The following SIN3B variants were observed in gnomAD, a reference collection of about 807,000 sequenced individuals.
The protein encoded by SIN3B is SIN3 transcription regulator family member B, also known as paired amphipathic helix protein Sin3b.
SIN3B carries 19 observed loss-of-function variants against 120.2 expected under a neutral mutation model. That is an observed-to-expected ratio of 0.16 (90% CI 0.11 to 0.23). The LOEUF is 0.23. SIN3B is among the 10% of genes least tolerant of loss of function. The pLI, the probability that SIN3B is intolerant of heterozygous loss-of-function variation, is 1.00. For missense variants in SIN3B, 1,073 were observed against 1,573.0 expected, an observed-to-expected ratio of 0.68 and a Z score of 5.38; for synonymous variants, 654 against 653.2, an observed-to-expected ratio of 1.00 and a Z score of -0.02.
In SIN3B at chr19:16,862,257, A is replaced by T; in HGVS notation, c.1059-95A>T. On this transcript the variant is annotated intron_variant, in intron 8 of 18. Coordinates refer to ENST00000248054, the MANE Select transcript of SIN3B (RefSeq NM_001297595.2). This position sits in a 1 kb window ranked among gnomAD's most constrained non-coding sequence, Gnocchi z 4.7. The stretch of plus-strand genomic sequence containing the variant: ...TGATGTTGAATTCTGACTCTGTTTA[A>T]CTTGTAATGTCCACATGAAGCCATT... The T allele has an allele frequency of 1.1e-6, 1 of 938,218 alleles. No homozygotes were observed. Among genetic ancestry groups the T allele is most frequent in the Non-Finnish European group, 1.6e-6 (1 of 606,130 alleles). The allele number at this position is 938,218 out of a possible 1,614,324, so 58.1% of individuals were successfully genotyped here.
chr19:16,869,927 C>G lies in SIN3B; in HGVS notation c.2274C>G (p.Thr758=), dbSNP rs754186178. 2 of 1,614,248 alleles carry G rather than the reference C, an allele frequency of 1.2e-6. No individual in the cohort carries two copies. Among genetic ancestry groups the G allele is most frequent in the South Asian group, 2.2e-5 (2 of 91,090 alleles). ...ACTTCTTCCTGCGCCTGCACCAGAC[C>G]CTGTGCTCCAGGCTGCTGAAGATCT... ...NWYFFLRLHQ[T]LCSRLLKIYR... The change falls in exon 13 of 19, where the codon ACC becomes ACG. Residue 758 remains threonine, a synonymous_variant. Coordinates refer to ENST00000248054, the MANE Select transcript of SIN3B (RefSeq NM_001297595.2).
chr19:16,841,953 C>T lies in SIN3B; in HGVS notation c.567C>T (p.Ile189=), dbSNP rs752714037. 123 of 1,613,514 alleles carry T rather than the reference C, an allele frequency of 7.6e-5. No individual in the cohort carries two copies. The highest frequency in any genetic ancestry group is 9.6e-5 in the Non-Finnish European group (113 of 1,179,690). ...HPEIYRSFLE[I]LHTYQKEQLN... is the part of the protein sequence containing the mutation. Reference sequence around the variant, plus strand: ...AAATCTACAGGTCATTCCTGGAGATCCTGCACACGTACCAGGTAAGAACTC... The same window carrying T: ...AAATCTACAGGTCATTCCTGGAGATTCTGCACACGTACCAGGTAAGAACTC... The change falls in exon 4 of 19, where the codon ATC becomes ATT. Residue 189 remains isoleucine, a synonymous_variant. Coordinates refer to ENST00000248054, the MANE Select transcript of SIN3B (RefSeq NM_001297595.2).
chr19:16,847,007 G>T lies in SIN3B; in HGVS notation c.620G>T (p.Gly207Val). 6.2e-7 allele frequency: 1 copy of T among 1,614,160 alleles called. No homozygotes were observed. Among genetic ancestry groups the T allele is most frequent in the South Asian group, 1.1e-5 (1 of 91,084 alleles). The change falls in exon 5 of 19, where the codon GGC (glycine) becomes GTC (valine). Residue 207 changes from glycine (G) to valine (V), a missense_variant. Around this residue, in one of 7 missense-constraint regions of SIN3B, gnomAD observed 395 missense variants for 528.0 expected, o/e 0.75. Transcript: ENST00000248054. ...QLNTRGRPFR[G>V]MSEEEVFTEV... ...AACACGAGGGGCCGGCCATTCCGAG[G>T]CATGTCTGAAGAGGAGGTGTTCACC...
In SIN3B at chr19:16,876,882, GGCTGTGACC is replaced by G; in HGVS notation, c.2859+305_2859+313del. 2.9e-6 allele frequency: 1 copy of G among 349,710 alleles called. No homozygotes were observed. Among genetic ancestry groups the G allele is most frequent in the South Asian group, 4.4e-5 (1 of 22,810 alleles). 21.7% of individuals were successfully genotyped at this position (349,710 alleles called of 1,614,324 possible). ...CCGACTCCCACTCAGGGCATCCCGT[GGCTGTGACC>G]TCTGCACCTCTTGTGTCAGGGCTGC... On this transcript the variant is annotated intron_variant, in intron 16 of 18. Coordinates refer to ENST00000248054, the MANE Select transcript of SIN3B (RefSeq NM_001297595.2). This position sits in a 1 kb window ranked among gnomAD's most constrained non-coding sequence, Gnocchi z 7.1.
At chr19:16,873,428 G>A (rs1406690445) in intron 14 of SIN3B, among the ~76,000 whole-genome samples, 1 of 151,980 alleles carries the variant, frequency 6.6e-6, no homozygotes, top group Non-Finnish European at 1.5e-5. Flanking sequence ...AGGGAAACAC[G>A]CACGGGGCAG....
chr19:16,873,751 TC>T (rs1285708028), intron 14 of SIN3B, among the ~76,000 whole-genome samples: 1 of 152,240 alleles, frequency 6.6e-6, no homozygotes, highest in Non-Finnish European at 1.5e-5. Flanking sequence ...TGCCCTGCTG[TC>T]CCAGCTGTGG....
At chr19:16,854,073 C>T in intron 7 of SIN3B, 70 bp from the exon 8 acceptor site, 1 of 1,184,056 alleles carries the variant, frequency 8.4e-7, no homozygotes, top group Non-Finnish European at 1.2e-6. Flanking sequence ...TGTGGCTGAC[C>T]TACAAGTGAG....
Position 16,851,445 on chromosome 19 carries a change from G to A in SIN3B, c.760G>A (p.Val254Met), listed in dbSNP as rs372704525. Residue 254 changes from valine (V) to methionine (M), a missense_variant, in exon 6 of 19, where the codon GTG becomes ATG. Physicochemically the swap from Val to Met is conservative, Grantham distance 21. This residue lies in a region of SIN3B where 395 missense variants were observed against 528.0 expected (regional missense o/e 0.75). Coordinates refer to ENST00000248054, the MANE Select transcript of SIN3B (RefSeq NM_001297595.2). The stretch of plus-strand genomic sequence containing the variant: ...AAACGGGCCGTGCGAGATGCACAGC[G>A]TGCAGAAGAACGAGCACGACAAGAC... ...TGNGPCEMHS[V>M]QKNEHDKTPE... 15 of 1,609,074 alleles carry A rather than the reference G, an allele frequency of 9.3e-6. No individual in the cohort carries two copies. Among genetic ancestry groups the A allele is most frequent in the African/African-American group, 4.0e-5 (3 of 74,748 alleles).
chr19:16,837,522 A>G (rs981519546), intron 3 of SIN3B, among the ~76,000 whole-genome samples: 3 of 151,738 alleles, frequency 2.0e-5, no homozygotes, highest in Non-Finnish European at 2.9e-5. Context: ...GTGGACAGCA[A>G]TGGCGACAGA....
At chr19:16,841,698 C>A in intron 3 of SIN3B, 70 bp from the exon 4 acceptor site, 1 of 1,413,802 alleles carries the variant, frequency 7.1e-7, no homozygotes, top group Admixed American at 1.7e-5. Flanking sequence ...CAGACAGTGG[C>A]TGGGCCTGGT....
chr19:16,853,270 T>C (rs957823035), intron 7 of SIN3B, 112 bp downstream of exon 7: 6 of 955,468 alleles, frequency 6.3e-6, no homozygotes, highest in African/African-American at 4.9e-5. Flanking sequence ...GTGGGTGCAG[T>C]CTGAGGATGG....
Position 16,878,564 on chromosome 19 carries a change from A to T in SIN3B, c.3230A>T (p.Asp1077Val), listed in dbSNP as rs1599621066. The change falls in exon 19 of 19, where the codon GAC (aspartate) becomes GTC (valine). Residue 1077 changes from aspartate (D) to valine (V), a missense_variant. Coordinates refer to ENST00000248054, the MANE Select transcript of SIN3B (RefSeq NM_001297595.2). ...GAGTGGCACAGCCGCTGGCTGGAGG[A>T]CAATGTGACGGTGGAGGCGGCTAGC... is the stretch of plus-strand genomic sequence containing the variant. The part of the protein sequence containing the change: ...FEEWHSRWLE[D>V]NVTVEAASLV... 1 of 1,608,934 alleles carries T rather than the reference A, an allele frequency of 6.2e-7. No individual in the cohort carries two copies. Among genetic ancestry groups the T allele is most frequent in the East Asian group, 2.2e-5 (1 of 44,606 alleles).
chr19:16,878,535 T>G lies in SIN3B; in HGVS notation c.3201T>G (p.Phe1067Leu). The G allele has an allele frequency of 6.3e-7, 1 of 1,597,264 alleles. No individual in the cohort carries two copies. The highest frequency in any genetic ancestry group is 8.5e-7 in the Non-Finnish European group (1 of 1,172,438). The change falls in exon 19 of 19, where the codon TTT (phenylalanine) becomes TTG (leucine). Residue 1067 changes from phenylalanine (F) to leucine (L), a missense_variant. Coordinates refer to ENST00000248054, the MANE Select transcript of SIN3B (RefSeq NM_001297595.2). ...TCCTGCTCCGCCACCACCAGCACTTTGAGGAGTGGCACAGCCGCTGGCTGG... is the reference window on the plus strand; with the variant it reads ...TCCTGCTCCGCCACCACCAGCACTTGGAGGAGTGGCACAGCCGCTGGCTGG... ...PLVLLRHHQHFEEWHSRWLED... is the reference protein window; with the variant it reads ...PLVLLRHHQHLEEWHSRWLED...
chr19:16,829,977 C>T, intron 2 of SIN3B, 80 bp downstream of exon 2: 1 of 906,320 alleles, frequency 1.1e-6, no homozygotes, highest in Non-Finnish European at 1.8e-6. Context: ...CTCCCCTCTC[C>T]AGCCTGCCCC....
In SIN3B at chr19:16,829,520, C is replaced by G. The variant is rs2037131535; in HGVS notation, c.100C>G (p.His34Asp). ...CTGGGGTCGCTCGGGCTCCGCAGGC[C>G]ACGAGAAGCTGCCGGTGCACGTGAG... ...ARWGRSGSAG[H>D]EKLPVHVEDA... Residue 34 changes from histidine (H) to aspartate (D), a missense_variant, in exon 1 of 19, where the codon CAC (histidine) becomes GAC (aspartate). Coordinates refer to ENST00000248054, the MANE Select transcript of SIN3B (RefSeq NM_001297595.2). 1.6e-6 allele frequency: 2 copies of G among 1,227,472 alleles called. No homozygotes were observed. The highest frequency in any genetic ancestry group is 3.1e-5 in the African/African-American group (2 of 64,066). The allele number at this position is 1,227,472 out of a possible 1,614,324, so 76.0% of individuals were successfully genotyped here. A position where few individuals can be genotyped will look rare whatever the true frequency, so the allele number is the denominator to read the frequency against.
chr19:16,835,889 C>T (rs1335443118), intron 3 of SIN3B, among the ~76,000 whole-genome samples: 2 of 152,210 alleles, frequency 1.3e-5, no homozygotes, highest in Non-Finnish European at 2.9e-5. Flanking sequence ...GATCCTCCTG[C>T]CTTGGCCTCC....
chr19:16,856,094 C>T (rs772753270), intron 8 of SIN3B, among the ~76,000 whole-genome samples: 1 of 152,140 alleles, frequency 6.6e-6, no homozygotes, highest in Non-Finnish European at 1.5e-5. Flanking sequence ...CTCTGCTGCA[C>T]AAAGAGAAGC....
intron 3 of SIN3B, among the ~76,000 whole-genome samples, chr19:16,837,820 G>T (rs1971367025): frequency 1.3e-5 from 2 of 152,124 alleles, no homozygotes; most frequent in African/African-American, 4.8e-5. Context: ...CAGGATGCCT[G>T]ATTCTCTGGG....
At chr19:16,832,631 G>A (rs1450576363) in intron 3 of SIN3B, among the ~76,000 whole-genome samples, 1 of 151,500 alleles carries the variant, frequency 6.6e-6, no homozygotes, top group African/African-American at 2.4e-5. Flanking sequence ...CTCCTAAGTA[G>A]CTAGGACTAC....
Sources: gnomAD v4.1 joint callset for allele counts (sites outside exome capture counted in the v4.1 genomes callset) on GRCh38, gnomAD v4.1.1 for gene constraint, gnomAD v4.1.1 regional missense constraint, Gnocchi (gnomAD v3.1) non-coding constraint, MANE v1.5 for transcripts, NCBI Gene and HGNC (gene_info 2026-07-23, HGNC 2026-07-21) for gene names.